Variants in AGBL1 observed in about 807,000 individuals in gnomAD.
AGBL1 encodes AGBL carboxypeptidase 1.
In AGBL1, 130 loss-of-function variants were observed where a neutral mutation model predicts 118.9. That is an observed-to-expected ratio of 1.09 (90% CI 0.95 to 1.26). The LOEUF (loss-of-function observed/expected upper bound fraction) is 1.26. Among genes scored for constraint, AGBL1 ranks in the 50% most tolerant of loss-of-function variants. The pLI is 0.00. For missense variants in AGBL1, 1,584 were observed against 1,298.1 expected, an observed-to-expected ratio of 1.22 and a Z score of -3.38; for synonymous variants, 555 against 478.9, an observed-to-expected ratio of 1.16 and a Z score of -2.08.
chr15:86,765,986 T>C (rs2078092156), intron 22 of AGBL1, among the ~76,000 whole-genome samples: 1 of 152,004 alleles, frequency 6.6e-6, no homozygotes, highest in South Asian at 2.1e-4. Context: ...AGACTGGTTG[T>C]AATTTCTAAT....
intron 22 of AGBL1, among the ~76,000 whole-genome samples, chr15:86,724,491 G>A (rs990970193): frequency 6.6e-6 from 1 of 152,100 alleles, no homozygotes; most frequent in Non-Finnish European, 1.5e-5. Flanking sequence ...TAGCAATAGT[G>A]AAGGTATAAT....
intron 22 of AGBL1, among the ~76,000 whole-genome samples, chr15:86,850,707 T>C (rs1185223686): frequency 1.3e-5 from 2 of 152,210 alleles, no homozygotes; most frequent in Non-Finnish European, 1.5e-5. Context: ...AATACCTGTA[T>C]GATATATTGT....
chr15:86,330,370 G>A lies in AGBL1; in HGVS notation c.2374+34962G>A, dbSNP rs540615032. Among the ~76,000 whole-genome samples the A allele has an allele frequency of 6.6e-5, 10 of 152,128 alleles. No homozygotes were observed. In the South Asian group the frequency reaches 2.1e-3, roughly 32 times the overall value. On this transcript the variant is annotated intron_variant, in intron 17 of 22. Coordinates refer to ENST00000614907, the MANE Select transcript of AGBL1 (RefSeq NM_001386094.1). Reference sequence around the variant, plus strand: ...AGGGCTATTTTTGGCAAAGAAATAGGGCTATTTTTGGCAAACCCAAAAACT... The same window carrying A: ...AGGGCTATTTTTGGCAAAGAAATAGAGCTATTTTTGGCAAACCCAAAAACT...
chr15:86,515,384 T>C (rs1327733703), intron 18 of AGBL1, among the ~76,000 whole-genome samples: 1 of 152,174 alleles, frequency 6.6e-6, no homozygotes, highest in East Asian at 1.9e-4. Context: ...TGTATGTGTG[T>C]ATATACACAC....
intron 4 of AGBL1, among the ~76,000 whole-genome samples, chr15:86,156,063 A>G (rs973374241): frequency 1.3e-5 from 2 of 152,148 alleles, no homozygotes; most frequent in Non-Finnish European, 2.9e-5. Flanking sequence ...CTGGGATCAC[A>G]GGGACCTGCC....
chr15:86,216,253 T>TATTC (rs1454743105), intron 5 of AGBL1, among the ~76,000 whole-genome samples: 1 of 152,008 alleles, frequency 6.6e-6, no homozygotes, highest in Non-Finnish European at 1.5e-5. Flanking sequence ...TTTATTTATT[T>TATTC]ATTCATTTAT....
intron 5 of AGBL1, among the ~76,000 whole-genome samples, chr15:86,161,378 C>T (rs1044531076): frequency 5.9e-5 from 9 of 152,102 alleles, no homozygotes; most frequent in South Asian, 2.1e-4. Context: ...CTCTGCAAGG[C>T]GGGTGCTATT....
rs201508621 is a variant in AGBL1, at chr15:86,294,354, G to A, written c.2221-901G>A. On this transcript the variant is annotated intron_variant, in intron 16 of 22. Transcript: ENST00000614907. ...GTGGAGGTTGCAATGATCTGAGATT[G>A]CGCCACTGCACTCCAGCCTGCCTGG... 3.3e-4 allele frequency among the ~76,000 whole-genome samples: 44 copies of A among 134,046 alleles called. No individual in the cohort carries two copies. In the East Asian group the frequency reaches 7.9e-3, roughly 24 times the overall value. 87.9% of individuals were successfully genotyped at this position (134,046 alleles called of 152,430 possible). A position where few individuals can be genotyped will look rare whatever the true frequency, so the allele number is the denominator to read the frequency against.
At chr15:86,720,552 G>A (rs1214361096) in intron 22 of AGBL1, among the ~76,000 whole-genome samples, 1 of 152,206 alleles carries the variant, frequency 6.6e-6, no homozygotes. Context: ...CTATAGATGG[G>A]AAATGTGATC....
At chr15:86,867,102 G>T (rs117679916) in intron 22 of AGBL1, among the ~76,000 whole-genome samples, 1 of 151,982 alleles carries the variant, frequency 6.6e-6, no homozygotes, top group South Asian at 2.1e-4. Context: ...AAGAAGAGGG[G>T]TCATGTCATA....
chr15:86,799,145 T>C (rs1567179262), intron 22 of AGBL1, among the ~76,000 whole-genome samples: 1 of 151,126 alleles, frequency 6.6e-6, no homozygotes, highest in Non-Finnish European at 1.5e-5. Context: ...CTGAATGCAA[T>C]TGTAATTTTA....
chr15:86,388,910 T>C (rs890372954), intron 17 of AGBL1, among the ~76,000 whole-genome samples: 1 of 152,218 alleles, frequency 6.6e-6, no homozygotes, highest in Non-Finnish European at 1.5e-5. Context: ...TGTGTTTACA[T>C]ACAATCCCAC....
intron 1 of AGBL1, among the ~76,000 whole-genome samples, chr15:86,086,048 C>T (rs965798313): frequency 6.6e-6 from 1 of 152,164 alleles, no homozygotes; most frequent in Admixed American, 6.5e-5. Flanking sequence ...TGCAGTGATG[C>T]AATGAGGTGC....
chr15:86,508,568 CG>C (rs2083011998), intron 18 of AGBL1, among the ~76,000 whole-genome samples: 1 of 138,860 alleles, frequency 7.2e-6, no homozygotes, highest in East Asian at 2.3e-4. Context: ...GGATTTTTTT[CG>C]AGGATTAAAT....
intron 9 of AGBL1, among the ~76,000 whole-genome samples, chr15:86,258,675 C>G (rs918605760): frequency 6.6e-6 from 1 of 152,106 alleles, no homozygotes; most frequent in African/African-American, 2.4e-5. Context: ...CAGCTATAGA[C>G]AATTTGTAAA....
intron 23 of AGBL1, among the ~76,000 whole-genome samples, chr15:86,928,400 G>A (rs987530215): frequency 2.0e-5 from 3 of 152,146 alleles, no homozygotes; most frequent in African/African-American, 4.8e-5. Flanking sequence ...TTCAGGTCCC[G>A]TCTGAGTCCA....
intron 22 of AGBL1, among the ~76,000 whole-genome samples, chr15:86,890,678 T>A (rs2080040607): frequency 6.6e-6 from 1 of 152,192 alleles, no homozygotes; most frequent in Non-Finnish European, 1.5e-5. Context: ...TTGTCAAGTT[T>A]GTTGAAGATC....
In AGBL1 at chr15:86,266,421, T is replaced by C. The variant is rs1247290537; in HGVS notation, c.1715T>C (p.Val572Ala). ...CGGAGGCTCATCCAGCCAAGTGATG[T>C]TATAAATAAAGTTGTCTTCAGTTTA... ...DIRRLIQPSD[V>A]INKVVFSLDE... Residue 572 changes from valine to alanine, a missense_variant, in exon 12 of 23, where the codon GTT (valine) becomes GCT (alanine). Physicochemically the swap from Val to Ala is moderately conservative, Grantham distance 64. Coordinates refer to ENST00000614907, the MANE Select transcript of AGBL1 (RefSeq NM_001386094.1). 2 of 1,578,210 alleles carry C rather than the reference T, an allele frequency of 1.3e-6. No homozygotes were observed. Among genetic ancestry groups the C allele is most frequent in the South Asian group, 1.2e-5 (1 of 85,770 alleles).
rs552178188 is a variant in AGBL1, at chr15:86,680,002, A to G, written c.3158+5566A>G. Among the ~76,000 whole-genome samples, 7 of 152,224 alleles carry G rather than the reference A, an allele frequency of 4.6e-5. No homozygotes were observed. The South Asian group carries it at 1.0e-3, about 23-fold the overall frequency. On this transcript the variant is annotated intron_variant, in intron 22 of 22. Transcript: ENST00000614907. ...GTCTGTGCTTGGTTTCTATTGTTCT[A>G]TGACCTGGAACACTTTAAATTTCCT...
Sources: gnomAD v4.1 joint callset for allele counts (sites outside exome capture counted in the v4.1 genomes callset) on GRCh38, gnomAD v4.1.1 for gene constraint, MANE v1.5 for transcripts, NCBI Gene and HGNC (gene_info 2026-07-23, HGNC 2026-07-21) for gene names.